Variants in METTL16 observed in about 807,000 individuals in gnomAD.
METTL16 encodes RNA N(6)-adenosine-methyltransferase METTL16.
Under a neutral mutation model 57.9 loss-of-function variants are expected in METTL16, and 19 were observed. The observed-to-expected ratio is 0.33, with a 90% confidence interval of 0.23 to 0.48. The LOEUF is 0.48. Among genes scored for constraint, METTL16 ranks in the 20% least tolerant of loss-of-function variants. The pLI, the probability that METTL16 is intolerant of heterozygous loss-of-function variation, is 0.99. For missense variants in METTL16, 434 were observed against 691.5 expected, an observed-to-expected ratio of 0.63 and a Z score of 4.18; for synonymous variants, 246 against 255.6, an observed-to-expected ratio of 0.96 and a Z score of 0.36.
At chr17:2,493,202 C>T (rs964627985) in intron 2 of METTL16, among the ~76,000 whole-genome samples, 5 of 149,504 alleles carry the variant, frequency 3.3e-5, no homozygotes, top group African/African-American at 9.8e-5. Context: ...CATTCTCCTG[C>T]CTCAGCCTCC....
intron 1 of METTL16, among the ~76,000 whole-genome samples, chr17:2,511,163 TGAG>T (rs2067584229): frequency 6.6e-6 from 1 of 151,728 alleles, no homozygotes; most frequent in Non-Finnish European, 1.5e-5. Flanking sequence ...CCCGGTTACT[TGAG>T]TCAGTCCAGA....
At chr17:2,510,282 TA>T (rs2067578435) in intron 1 of METTL16, among the ~76,000 whole-genome samples, 1 of 152,330 alleles carries the variant, frequency 6.6e-6, no homozygotes, top group South Asian at 2.1e-4. Context: ...GAGTATTTTT[TA>T]TATCTATGTA....
chr17:2,511,688 A>C (rs1302707954), intron 1 of METTL16, 71 bp downstream of exon 1: 1 of 395,302 alleles, frequency 2.5e-6, no homozygotes, highest in African/African-American at 2.1e-5. Context: ...CTCAAGAATG[A>C]GGAACCCGTG....
intron 8 of METTL16, among the ~76,000 whole-genome samples, chr17:2,431,671 G>A (rs1294829179): frequency 4.5e-4 from 68 of 152,040 alleles, no homozygotes; most frequent in Non-Finnish European, 4.4e-5. Flanking sequence ...TTCATTTGCA[G>A]TTCTCTAATA....
At chr17:2,496,991 T>TTTG (rs2067450307) in intron 2 of METTL16, among the ~76,000 whole-genome samples, 1 of 151,468 alleles carries the variant, frequency 6.6e-6, no homozygotes, top group Non-Finnish European at 1.5e-5. Flanking sequence ...GGCATATCGT[T>TTTG]TTGTTGTTGT....
intron 6 of METTL16, among the ~76,000 whole-genome samples, chr17:2,447,454 G>C (rs1352081681): frequency 3.5e-5 from 5 of 142,022 alleles, no homozygotes; most frequent in South Asian, 2.3e-4. Context: ...GAGGTGGGGG[G>C]GGTCAGCCCC....
At chr17:2,484,498 CTT>C (rs879698312) in intron 2 of METTL16, among the ~76,000 whole-genome samples, 2 of 144,326 alleles carry the variant, frequency 1.4e-5, no homozygotes, top group Admixed American at 7.0e-5. Flanking sequence ...CTACTCTGTT[CTT>C]TTTTTTTTTT....
At chr17:2,500,148 G>C (rs1490294388) in intron 2 of METTL16, among the ~76,000 whole-genome samples, 1 of 152,158 alleles carries the variant, frequency 6.6e-6, no homozygotes, top group African/African-American at 2.4e-5. Context: ...ATGATTTTAA[G>C]GGTTATCTTG....
intron 1 of METTL16, among the ~76,000 whole-genome samples, chr17:2,510,274 G>A (rs967552116): frequency 6.6e-6 from 1 of 152,084 alleles, no homozygotes; most frequent in African/African-American, 2.4e-5. Context: ...ACCACTTTGA[G>A]TATTTTTTAT....
intron 6 of METTL16, among the ~76,000 whole-genome samples, chr17:2,455,467 C>G (rs114954784): frequency 6.6e-6 from 1 of 152,114 alleles, no homozygotes; most frequent in African/African-American, 2.4e-5. Context: ...CACCAGCTAA[C>G]GCAGAACCAA....
In METTL16 at chr17:2,441,556, C is replaced by T; in HGVS notation, c.732G>A (p.Trp244Ter). The T allele has an allele frequency of 5.1e-6, 8 of 1,567,134 alleles. No individual in the cohort carries two copies. Among genetic ancestry groups the T allele is most frequent in the South Asian group, 1.2e-5 (1 of 83,736 alleles). The change falls in exon 7 of 10, where the codon TGG (tryptophan) becomes TGA (stop). Residue 244 changes from tryptophan (W) to a stop codon, truncating the protein, a stop_gained. Coordinates refer to ENST00000263092, the MANE Select transcript of METTL16 (RefSeq NM_024086.4). LOFTEE classifies it high-confidence loss of function. ...ATTTCTTTCCCAGCATGCAGCTATA[C>T]CATCTAGGAAAAAAAAAATCAGACA... ...DSLQLKKRLR[W>*]YSCMLGKKCS...
chr17:2,506,001 C>G (rs1198231556), intron 1 of METTL16, among the ~76,000 whole-genome samples: 1 of 152,004 alleles, frequency 6.6e-6, no homozygotes, highest in East Asian at 1.9e-4. Flanking sequence ...CAGAGTCTCC[C>G]TCTGTCACCA....
chr17:2,485,782 G>T (rs147514607), intron 2 of METTL16, among the ~76,000 whole-genome samples: 1 of 152,082 alleles, frequency 6.6e-6, no homozygotes, highest in Admixed American at 6.5e-5. Flanking sequence ...TGAAGCGGAC[G>T]GTCTGGCGGA....
At chr17:2,496,757 G>A (rs1257505922) in intron 2 of METTL16, among the ~76,000 whole-genome samples, 1 of 151,416 alleles carries the variant, frequency 6.6e-6, no homozygotes. Context: ...AGTGGGAGAG[G>A]TTTAGGTCAC....
Position 2,418,746 on chromosome 17 carries a change from C to A in METTL16, c.*1224G>T, listed in dbSNP as rs374025275. The A allele has an allele frequency of 6.6e-6, 1 of 152,326 alleles. No homozygotes were observed. 9.4% of individuals were successfully genotyped at this position (152,326 alleles called of 1,614,324 possible). ...AGACATGCCAAGGTCACCAGCTTCC[C>A]GTCCTGACCAACAGCCACCTCTCAG... On this transcript the variant is annotated 3_prime_UTR_variant, in exon 10 of 10. Coordinates refer to ENST00000263092, the MANE Select transcript of METTL16 (RefSeq NM_024086.4).
chr17:2,496,022 A>C (rs1181040940), intron 2 of METTL16, among the ~76,000 whole-genome samples: 1 of 150,522 alleles, frequency 6.6e-6, no homozygotes, highest in East Asian at 2.0e-4. Flanking sequence ...AGGCAGGAGA[A>C]TTGCTTGTAC....
At chr17:2,479,951 C>G (rs1265854427) in intron 2 of METTL16, among the ~76,000 whole-genome samples, 1 of 152,100 alleles carries the variant, frequency 6.6e-6, no homozygotes, top group Non-Finnish European at 1.5e-5. Context: ...CTTTGGGAGG[C>G]TGAGGTGGGT....
intron 2 of METTL16, among the ~76,000 whole-genome samples, chr17:2,494,576 G>A (rs2067426930): frequency 6.6e-6 from 1 of 152,022 alleles, no homozygotes. Context: ...GTGTGTGTAT[G>A]TTTGTTTTTG....
In METTL16 at chr17:2,424,115, AT is replaced by A. The variant is rs1451870807; in HGVS notation, c.889-3212del. 5 of 24,396 alleles carry A rather than the reference AT, an allele frequency of 2.0e-4. No individual in the cohort carries two copies. The East Asian group carries it at 0.018, about 90-fold the overall frequency. 1.5% of individuals were successfully genotyped at this position (24,396 alleles called of 1,614,324 possible). A position where few individuals can be genotyped will look rare whatever the true frequency, so the allele number is the denominator to read the frequency against. ...TTATTTTATTTTATTTTATTTTATT[AT>A]TTTATTTTTTTTTTTGAGACGGAGT... On this transcript the variant is annotated intron_variant, in intron 8 of 9. Coordinates refer to ENST00000263092, the MANE Select transcript of METTL16 (RefSeq NM_024086.4).
Sources: gnomAD v4.1 joint callset for allele counts (sites outside exome capture counted in the v4.1 genomes callset) on GRCh38, gnomAD v4.1.1 for gene constraint, MANE v1.5 for transcripts, NCBI Gene and HGNC (gene_info 2026-07-23, HGNC 2026-07-21) for gene names.